Variants in TMC8 observed in about 807,000 individuals in gnomAD.
TMC8 encodes the protein transmembrane channel-like protein 8.
TMC8 carries 71 observed loss-of-function variants against 76.0 expected under a neutral mutation model. The observed-to-expected ratio is 0.93, with a 90% CI of 0.77 to 1.14. The LOEUF (loss-of-function observed/expected upper bound fraction) is 1.14. Among genes scored for constraint, TMC8 ranks in the 50% most tolerant of loss-of-function variants. TMC8 has a pLI of 0.00. For missense variants in TMC8, 924 were observed against 947.9 expected (o/e 0.97, Z 0.33); for synonymous variants, 433 against 433.8 (o/e 1.00, Z 0.02).
rs2075364996 is a variant in TMC8, at chr17:78,141,093, C to T, written c.2162C>T (p.Pro721Leu). The change falls in exon 16 of 16, where the codon CCC becomes CTC. Residue 721 changes from proline (P) to leucine (L), a missense_variant. Physicochemically the swap from Pro to Leu is moderately conservative, Grantham distance 98. Transcript: ENST00000318430. ...APASARRFRF[P>L]SGAEL The stretch of plus-strand genomic sequence containing the variant: ...GCCTCCGCCCGCAGATTCCGCTTCC[C>T]CAGCGGCGCGGAGCTGTAACCCCTA... 1 of 1,578,208 alleles carries T rather than the reference C, an allele frequency of 6.3e-7. No individual in the cohort carries two copies. Among genetic ancestry groups the T allele is most frequent in the Non-Finnish European group, 8.6e-7 (1 of 1,167,260 alleles).
intron 9 of TMC8, among the ~76,000 whole-genome samples, chr17:78,136,316 A>G (rs2075228056): frequency 6.6e-6 from 1 of 151,986 alleles, no homozygotes; most frequent in Non-Finnish European, 1.5e-5. Context: ...ATACAAAAAA[A>G]TTAACTGGGC....
rs1421946651 is a variant in TMC8 at position 78,132,334 on chromosome 17, G to C, written c.299-25G>C. ...CCCCAGCCCCGGCCCCGGCCTCCCT[G>C]ACCCACCCTGCTCTCCCACTGCAGG... On this transcript the variant is annotated intron_variant, in intron 3 of 15. Coordinates refer to ENST00000318430, the MANE Select transcript of TMC8 (RefSeq NM_152468.5). 5 of 1,611,810 alleles carry C rather than the reference G, an allele frequency of 3.1e-6. No individual in the cohort carries two copies. The African/African-American group carries it at 5.3e-5, about 17-fold the overall frequency.
At chr17:78,135,675 C>G (rs989493235) in intron 9 of TMC8, among the ~76,000 whole-genome samples, 7 of 152,358 alleles carry the variant, frequency 4.6e-5, no homozygotes, top group African/African-American at 1.7e-4. Flanking sequence ...ACTGGCTTCT[C>G]TCCCTCACGC....
At chr17:78,135,040 G>A (rs1257467215) in intron 9 of TMC8, 31 bp downstream of exon 9, 1 of 1,613,544 alleles carries the variant, frequency 6.2e-7, no homozygotes, top group Non-Finnish European at 8.5e-7. Context: ...GGACAAGTGG[G>A]CATGTAACAA....
At chr17:78,135,910 C>T (rs2075214783) in intron 9 of TMC8, among the ~76,000 whole-genome samples, 1 of 152,078 alleles carries the variant, frequency 6.6e-6, no homozygotes, top group South Asian at 2.1e-4. Context: ...AAAAATCAGC[C>T]AGGTGTGGTG....
Position 78,132,440 on chromosome 17 carries a change from C to A in TMC8, c.380C>A (p.Thr127Asn), listed in dbSNP as rs760331728. Residue 127 changes from threonine to asparagine, a missense_variant, in exon 4 of 16, where the codon ACC (threonine) becomes AAC (asparagine). Physicochemically the swap from Thr to Asn is moderately conservative, Grantham distance 65. Transcript: ENST00000318430. ...LLLNLLSLLL[T>N]ASFVLLPLVW... ...CTCAACCTGCTGAGCCTGCTGCTCACCGCAAGCTTCGTGCTGCTGCCCCTG... is the reference window on the plus strand; with the variant it reads ...CTCAACCTGCTGAGCCTGCTGCTCAACGCAAGCTTCGTGCTGCTGCCCCTG... 2 of 1,612,740 alleles carry A rather than the reference C, an allele frequency of 1.2e-6. No homozygotes were observed. Among genetic ancestry groups the A allele is most frequent in the African/African-American group, 1.3e-5 (1 of 75,050 alleles).
At chr17:78,138,548 A>G in intron 13 of TMC8, 26 bp from the exon 14 acceptor site, 1 of 1,613,676 alleles carries the variant, frequency 6.2e-7, no homozygotes, top group Non-Finnish European at 8.5e-7. Context: ...CCCTGATGCC[A>G]GCCCCACTTG....
In TMC8 at chr17:78,131,532, A is replaced by G; in HGVS notation, c.-57A>G. On this transcript the variant is annotated 5_prime_UTR_variant, in exon 2 of 16. Transcript: ENST00000318430. ...GGCCTTAAGGCTCATCCAACCGGGGACTCATATCCCCCCCACCGGCAGCCC... is the reference window on the plus strand; with the variant it reads ...GGCCTTAAGGCTCATCCAACCGGGGGCTCATATCCCCCCCACCGGCAGCCC... 6.5e-7 allele frequency: 1 copy of G among 1,534,478 alleles called. No individual in the cohort carries two copies. The highest frequency in any genetic ancestry group is 1.2e-5 in the South Asian group (1 of 83,892).
In TMC8 at chr17:78,137,989, C is replaced by G. The variant is rs11651555; in HGVS notation, c.1350-16C>G. The G allele has an allele frequency of 0.038, 60,991 of 1,613,342 alleles. 1,454 individuals carry two copies. The highest frequency in any genetic ancestry group is 0.085 in the South Asian group (7,738 of 91,062). ...TGTCTGGAGTGGTGAGTACCTGGAC[C>G]CTCCCATCCCTGCAGGCTGCTGGTG... is the stretch of plus-strand genomic sequence containing the variant. On this transcript the variant is annotated splice_polypyrimidine_tract_variant and intron_variant, in intron 11 of 15. Coordinates refer to ENST00000318430, the MANE Select transcript of TMC8 (RefSeq NM_152468.5).
Position 78,141,107 on chromosome 17 carries a change from C to T in TMC8, c.2176C>T (p.Leu726=), listed in dbSNP as rs2145742792. 6.4e-7 allele frequency: 1 copy of T among 1,565,130 alleles called. No homozygotes were observed. Among genetic ancestry groups the T allele is most frequent in the Non-Finnish European group, 8.6e-7 (1 of 1,162,172 alleles). The change falls in exon 16 of 16, where the codon CTG becomes TTG. Residue 726 remains leucine (L), a synonymous_variant. Coordinates refer to ENST00000318430, the MANE Select transcript of TMC8 (RefSeq NM_152468.5). The stretch of plus-strand genomic sequence containing the variant: ...ATTCCGCTTCCCCAGCGGCGCGGAG[C>T]TGTAACCCCTACCCCTGCCTCCCCG... ...RRFRFPSGAE[L] is the part of the protein sequence containing the mutation.
chr17:78,137,042 C>T (rs2075251136), intron 9 of TMC8, 193 bp from the exon 10 acceptor site: 1 of 752,094 alleles, frequency 1.3e-6, no homozygotes, highest in East Asian at 3.0e-5. Context: ...ACCCTTTTTC[C>T]CATGAATCGC....
At chr17:78,132,705 G>A in intron 4 of TMC8, 83 bp from the exon 5 acceptor site, 1 of 1,550,798 alleles carries the variant, frequency 6.4e-7, no homozygotes, top group Non-Finnish European at 8.9e-7. Flanking sequence ...CCTCCCCAGG[G>A]TTGGGGGTTA....
intron 3 of TMC8, 119 bp from the exon 4 acceptor site, chr17:78,132,240 T>TCGGGCGGGTGGGAGC: frequency 7.1e-7 from 1 of 1,415,430 alleles, no homozygotes; most frequent in South Asian, 1.2e-5. Context: ...ACCTCCGGAC[T>TCGGGCGGGTGGGAGC]CGGGCGGGTG....
chr17:78,132,251 G>A, intron 3 of TMC8, 108 bp from the exon 4 acceptor site: 1 of 1,449,856 alleles, frequency 6.9e-7, no homozygotes, highest in Middle Eastern at 2.0e-4. Context: ...CGGGCGGGTG[G>A]GAGCCTGGCG....
rs1202895893 is a variant in TMC8 at position 78,141,233 on chromosome 17, C to G, written c.*121C>G. 1 of 456,564 alleles carries G rather than the reference C, an allele frequency of 2.2e-6. No homozygotes were observed. Among genetic ancestry groups the G allele is most frequent in the African/African-American group, 2.0e-5 (1 of 49,190 alleles). 28.3% of individuals were successfully genotyped at this position (456,564 alleles called of 1,614,324 possible). A position where few individuals can be genotyped will look rare whatever the true frequency, so the allele number is the denominator to read the frequency against. On this transcript the variant is annotated 3_prime_UTR_variant, in exon 16 of 16. Coordinates refer to ENST00000318430, the MANE Select transcript of TMC8 (RefSeq NM_152468.5). Reference sequence around the variant, plus strand: ...CTCCAGGGCCTCCCTCAGAGGTCCCCAAAGATGGACACACAACCCCAGCGG... The same window carrying G: ...CTCCAGGGCCTCCCTCAGAGGTCCCGAAAGATGGACACACAACCCCAGCGG...
intron 9 of TMC8, among the ~76,000 whole-genome samples, chr17:78,136,051 C>A (rs746454227): frequency 6.6e-6 from 1 of 152,102 alleles, no homozygotes; most frequent in Non-Finnish European, 1.5e-5. Context: ...GTGACTTCAT[C>A]TCAAAAAAGA....
rs540027573 is a variant in TMC8, at chr17:78,134,523, G to A, written c.946G>A (p.Ala316Thr). ...NGLLVVGAISAIFWATKYSQD... is the reference protein window; with the variant it reads ...NGLLVVGAISTIFWATKYSQD... ...GCTCCTGGTGGTTGGGGCCATCAGC[G>A]CCATCTTCTGGGCTACCAAGTACTC... Residue 316 changes from alanine (A) to threonine (T), a missense_variant, in exon 8 of 16, where the codon GCC becomes ACC. Ala to Thr is a moderately conservative substitution (Grantham distance 58, BLOSUM62 0). Coordinates refer to ENST00000318430, the MANE Select transcript of TMC8 (RefSeq NM_152468.5). 16 of 1,614,122 alleles carry A rather than the reference G, an allele frequency of 9.9e-6. No individual in the cohort carries two copies. The highest frequency in any genetic ancestry group is 6.7e-5 in the Admixed American group (4 of 60,024).
intron 15 of TMC8, among the ~76,000 whole-genome samples, chr17:78,140,364 A>G (rs923830222): frequency 7.3e-5 from 11 of 150,886 alleles, no homozygotes; most frequent in African/African-American, 2.7e-4. Context: ...GCTTGGGGCC[A>G]GGGGCTTAAT....
chr17:78,137,626 C>G, intron 10 of TMC8, 91 bp from the exon 11 acceptor site: 1 of 1,262,158 alleles, frequency 7.9e-7, no homozygotes, highest in Non-Finnish European at 1.2e-6. Flanking sequence ...AGGCAAGGCA[C>G]CTGCACCACA....
Sources: allele counts gnomAD v4.1 joint callset (sites outside exome capture counted in the v4.1 genomes callset), GRCh38; gene constraint gnomAD v4.1.1; transcripts MANE v1.5; gene names NCBI Gene and HGNC (gene_info 2026-07-23, HGNC 2026-07-21).